Variants in RANBP2 observed in about 807,000 individuals in gnomAD.
The protein encoded by RANBP2 is RAN binding protein 2.
In RANBP2, 57 loss-of-function variants were observed where a neutral mutation model predicts 303.6. The ratio of observed to expected loss-of-function variants is 0.19; its 90% CI spans 0.15 to 0.23. RANBP2 has a LOEUF of 0.23. Ranked by LOEUF, RANBP2 falls within the 10% of genes least tolerant of loss-of-function variation. RANBP2 has a pLI of 1.00. For missense variants in RANBP2, 3,138 were observed against 3,780.8 expected, an observed-to-expected ratio of 0.83 and a Z score of 4.46; for synonymous variants, 1,167 against 1,301.5, an observed-to-expected ratio of 0.90 and a Z score of 2.23.
intron 28 of RANBP2, 71 bp from the exon 29 acceptor site, chr2:108,783,525 T>C: frequency 8.4e-7 from 1 of 1,185,672 alleles, no homozygotes; most frequent in Non-Finnish European, 1.2e-6. Flanking sequence ...GTGTGTATTT[T>C]AATATTTTAC....
chr2:109,301,420 C>T, the RANBP2 span, among the ~76,000 whole-genome samples: 1 of 152,026 alleles, frequency 6.6e-6, no homozygotes, highest in African/African-American at 2.4e-5. Context: ...CATGTAGTCT[C>T]CCCTGCATTC....
chr2:109,750,698 T>TATAATAATAATAATAATA, the RANBP2 span, among the ~76,000 whole-genome samples: 1 of 100,432 alleles, frequency 1.0e-5, no homozygotes, highest in Admixed American at 1.1e-4. Context: ...GAATCACTAC[T>TATAATAATAATAATAATA]ATAATAATAA....
chr2:109,490,911 G>A, the RANBP2 span: 10 of 1,511,654 alleles, frequency 6.6e-6, no homozygotes, highest in African/African-American at 5.5e-5. Context: ...CATCCGCCCC[G>A]AGCCCAAGCT....
the RANBP2 span, among the ~76,000 whole-genome samples, chr2:109,491,406 T>TAATTCA: frequency 6.6e-6 from 1 of 152,216 alleles, no homozygotes; most frequent in Admixed American, 6.5e-5. Context: ...TTCAAGTCTA[T>TAATTCA]ATCCCTTGAA....
At chr2:109,111,857 C>A in the RANBP2 span, among the ~76,000 whole-genome samples, 1 of 149,322 alleles carries the variant, frequency 6.7e-6, no homozygotes, top group African/African-American at 2.5e-5. Context: ...TGTTCAGTTC[C>A]CACCTATGAG....
At chr2:109,321,337 C>G in the RANBP2 span, among the ~76,000 whole-genome samples, 1 of 152,222 alleles carries the variant, frequency 6.6e-6, no homozygotes. Context: ...TGCAGATTGC[C>G]TCTTCCATAC....
At chr2:108,721,741 C>T (rs958869321) in intron 1 of RANBP2, among the ~76,000 whole-genome samples, 1 of 151,896 alleles carries the variant, frequency 6.6e-6, no homozygotes, top group Admixed American at 6.6e-5. Flanking sequence ...GCCACTGCAC[C>T]GGCCATTATT....
chr2:109,130,092 C>A, the RANBP2 span: 1 of 1,353,704 alleles, frequency 7.4e-7, no homozygotes, highest in Non-Finnish European at 9.5e-7. Context: ...TGGCGACCAG[C>A]AGGACCGCGC....
At chr2:108,815,928 T>A in the RANBP2 span, 1 of 1,582,204 alleles carries the variant, frequency 6.3e-7, no homozygotes, top group Non-Finnish European at 8.6e-7. Flanking sequence ...ATGATTTAAT[T>A]TTTGACATAT....
the RANBP2 span, chr2:109,574,867 T>C: frequency 1.3e-6 from 1 of 755,620 alleles, no homozygotes; most frequent in Non-Finnish European, 2.0e-6. Flanking sequence ...CACTAATTAA[T>C]AAACAGTTAA....
chr2:109,284,384 A>G, the RANBP2 span, among the ~76,000 whole-genome samples: 1 of 152,220 alleles, frequency 6.6e-6, no homozygotes, highest in Non-Finnish European at 1.5e-5. Context: ...GATGAAATCA[A>G]TGGAATTTGG....
intron 7 of RANBP2, among the ~76,000 whole-genome samples, chr2:108,742,918 A>G (rs1374184135): frequency 1.3e-5 from 2 of 151,910 alleles, no homozygotes; most frequent in Non-Finnish European, 2.9e-5. Flanking sequence ...CCTCCCGAGT[A>G]GCTGGGACTA....
At chr2:109,227,983 CA>C in the RANBP2 span, among the ~76,000 whole-genome samples, 2 of 152,168 alleles carry the variant, frequency 1.3e-5, no homozygotes, top group African/African-American at 4.8e-5. Context: ...ATGGGATTTA[CA>C]TTTGCTGTGG....
intron 1 of RANBP2, among the ~76,000 whole-genome samples, chr2:108,727,935 T>C (rs1694861936): frequency 6.6e-6 from 1 of 152,132 alleles, no homozygotes; most frequent in Non-Finnish European, 1.5e-5. Flanking sequence ...CTTTGGAGTT[T>C]ATGTAACCAA....
the RANBP2 span, chr2:109,614,850 G>T: frequency 1.4e-6 from 2 of 1,401,104 alleles, no homozygotes; most frequent in Admixed American, 3.5e-5. Context: ...GCTCCCCGAC[G>T]CGGCGGCCCC....
At chr2:109,493,621 C>T in the RANBP2 span, among the ~76,000 whole-genome samples, 75 of 151,570 alleles carry the variant, frequency 4.9e-4, 1 homozygote, top group East Asian at 0.014. Context: ...TGCAAACNCA[C>T]ACCCCACACA....
At chr2:109,634,757 A>G in the RANBP2 span, among the ~76,000 whole-genome samples, 2 of 152,222 alleles carry the variant, frequency 1.3e-5, no homozygotes, top group South Asian at 2.1e-4. Flanking sequence ...GAGAACTAAC[A>G]TGGGAAGGAG....
At chr2:109,689,418 A>G in the RANBP2 span, among the ~76,000 whole-genome samples, 3 of 152,074 alleles carry the variant, frequency 2.0e-5, no homozygotes, top group African/African-American at 7.2e-5. Flanking sequence ...GAATTCTAAC[A>G]CCTTTTTTCA....
the RANBP2 span, among the ~76,000 whole-genome samples, chr2:108,861,472 C>CTTTTTTTT: frequency 4.0e-5 from 5 of 123,528 alleles, no homozygotes; most frequent in South Asian, 2.7e-4. Context: ...AACTTTCTTC[C>CTTTTTTTT]TTTTTTTTTT....
Sources: allele counts gnomAD v4.1 joint callset (sites outside exome capture counted in the v4.1 genomes callset), GRCh38; gene constraint gnomAD v4.1.1; transcripts MANE v1.5; gene names NCBI Gene and HGNC (gene_info 2026-07-23, HGNC 2026-07-21).